Variants in CACNG2 observed in about 807,000 individuals in gnomAD.
CACNG2 encodes calcium voltage-gated channel auxiliary subunit gamma 2, also known as voltage-dependent calcium channel gamma-2 subunit.
A neutral mutation model predicts 25.9 loss-of-function variants in CACNG2; 3 were observed. The observed-to-expected ratio is 0.12, with a 90% CI of 0.05 to 0.30. CACNG2 has a LOEUF of 0.30. Among genes scored for constraint, CACNG2 ranks in the 10% least tolerant of loss-of-function variants. The pLI, the probability that CACNG2 is intolerant of heterozygous loss-of-function variation, is 1.00. For synonymous variants in CACNG2, 167 were observed against 173.3 expected, an observed-to-expected ratio of 0.96 and a Z score of 0.29; for missense variants, 341 against 432.5, an observed-to-expected ratio of 0.79 and a Z score of 1.88.
intron 1 of CACNG2, among the ~76,000 whole-genome samples, chr22:36,628,224 T>C (rs956191256): frequency 6.6e-6 from 1 of 152,206 alleles, no homozygotes; most frequent in Non-Finnish European, 1.5e-5. Flanking sequence ...GAATAGATAG[T>C]TGGGGACGAG....
At chr22:36,598,635 A>C (rs1349343155) in intron 1 of CACNG2, among the ~76,000 whole-genome samples, 1 of 151,252 alleles carries the variant, frequency 6.6e-6, no homozygotes, top group East Asian at 1.9e-4. Flanking sequence ...AAACAAAACA[A>C]CTCCCCAAAA....
At chr22:36,689,736 G>A (rs1326759303) in intron 1 of CACNG2, among the ~76,000 whole-genome samples, 2 of 152,222 alleles carry the variant, frequency 1.3e-5, no homozygotes, top group African/African-American at 2.4e-5. Flanking sequence ...CACCAACAGC[G>A]TGGCCTGTCG....
chr22:36,656,450 C>A (rs981748801), intron 1 of CACNG2, among the ~76,000 whole-genome samples: 5 of 152,162 alleles, frequency 3.3e-5, no homozygotes, highest in Non-Finnish European at 5.9e-5. Context: ...CAGCCCGAAT[C>A]CAACCACTTC....
At chr22:36,594,750 T>C (rs897605691) in intron 1 of CACNG2, among the ~76,000 whole-genome samples, 3 of 151,170 alleles carry the variant, frequency 2.0e-5, no homozygotes, top group Non-Finnish European at 4.4e-5. Context: ...TGGGTGTGTG[T>C]GCGTATGTGT....
chr22:36,622,974 A>G (rs2145951004), intron 1 of CACNG2, among the ~76,000 whole-genome samples: 1 of 149,984 alleles, frequency 6.7e-6, no homozygotes, highest in African/African-American at 2.4e-5. Context: ...AAAAAAGGTA[A>G]GACAAGTCCT....
At chr22:36,656,462 C>CA (rs1936706671) in intron 1 of CACNG2, among the ~76,000 whole-genome samples, 1 of 152,196 alleles carries the variant, frequency 6.6e-6, no homozygotes, top group Admixed American at 6.5e-5. Context: ...AACCACTTCT[C>CA]ATCACCGCCT....
intron 1 of CACNG2, among the ~76,000 whole-genome samples, chr22:36,631,006 T>C (rs910776611): frequency 6.6e-6 from 1 of 152,150 alleles, no homozygotes; most frequent in African/African-American, 2.4e-5. Context: ...AATTTTTGTA[T>C]TTTTAGTAGA....
At chr22:36,595,171 A>G (rs1935660397) in intron 1 of CACNG2, among the ~76,000 whole-genome samples, 1 of 151,592 alleles carries the variant, frequency 6.6e-6, no homozygotes, top group African/African-American at 2.4e-5. Context: ...GAAGTGGTGG[A>G]GGGTTGAGAA....
intron 1 of CACNG2, among the ~76,000 whole-genome samples, chr22:36,618,909 G>A (rs1936064838): frequency 1.4e-5 from 1 of 71,818 alleles, no homozygotes; most frequent in South Asian, 4.8e-4. Flanking sequence ...GACAGAGCGA[G>A]ACTGTTTCAA....
At chr22:36,623,085 A>T (rs1936133521) in intron 1 of CACNG2, among the ~76,000 whole-genome samples, 2 of 126,050 alleles carry the variant, frequency 1.6e-5, no homozygotes, top group Non-Finnish European at 1.6e-5. Flanking sequence ...CAGTGGCACG[A>T]TCTTGGCTCA....
intron 1 of CACNG2, among the ~76,000 whole-genome samples, chr22:36,594,573 C>T (rs185964513): frequency 3.0e-4 from 46 of 152,092 alleles, no homozygotes; most frequent in African/African-American, 1.0e-3. Flanking sequence ...TGTGTCCAGG[C>T]GAGGGAGTGT....
chr22:36,616,369 T>C (rs900387944), intron 1 of CACNG2, among the ~76,000 whole-genome samples: 1 of 152,212 alleles, frequency 6.6e-6, no homozygotes, highest in African/African-American at 2.4e-5. Flanking sequence ...GCAGCTGCAT[T>C]TTAGATAAGA....
chr22:36,666,809 GTGGCTCT>G (rs1936881099), intron 1 of CACNG2, among the ~76,000 whole-genome samples: 1 of 152,020 alleles, frequency 6.6e-6, no homozygotes, highest in Admixed American at 6.6e-5. Context: ...CAAGGTCTCT[GTGGCTCT>G]TCTAGTTTCT....
intron 1 of CACNG2, among the ~76,000 whole-genome samples, chr22:36,630,449 G>A (rs1297149569): frequency 1.3e-5 from 2 of 152,122 alleles, no homozygotes; most frequent in African/African-American, 4.8e-5. Context: ...TTATCTAGGA[G>A]GGGAAGAGCA....
intron 1 of CACNG2, among the ~76,000 whole-genome samples, chr22:36,609,196 C>T (rs1272250339): frequency 1.4e-5 from 2 of 144,016 alleles, no homozygotes; most frequent in Non-Finnish European, 1.5e-5. Context: ...AGAGCGTGAT[C>T]GGGCAGGAAT....
intron 1 of CACNG2, among the ~76,000 whole-genome samples, chr22:36,607,523 T>G (rs1009779612): frequency 3.3e-5 from 5 of 152,188 alleles, no homozygotes; most frequent in African/African-American, 1.2e-4. Flanking sequence ...GGATTACAGA[T>G]GTGAGCCACT....
At chr22:36,571,894 A>C (rs891697346) in intron 2 of CACNG2, among the ~76,000 whole-genome samples, 12 of 151,980 alleles carry the variant, frequency 7.9e-5, no homozygotes, top group African/African-American at 2.9e-4. Flanking sequence ...AAAAAAAAAA[A>C]AAAAAGAATT....
chr22:36,699,633 T>C (rs532503678), intron 1 of CACNG2, among the ~76,000 whole-genome samples: 1 of 137,220 alleles, frequency 7.3e-6, no homozygotes, highest in East Asian at 2.3e-4. Flanking sequence ...AAAACACAGA[T>C]CAAGTGGTTA....
In CACNG2 at chr22:36,606,334, TACA is replaced by T. The variant is rs1320450968; in HGVS notation, c.212-18789_212-18787del. Among the ~76,000 whole-genome samples the T allele has an allele frequency of 6.6e-6, 1 of 152,240 alleles. No individual in the cohort carries two copies. Among genetic ancestry groups the T allele is most frequent in the African/African-American group, 2.4e-5 (1 of 41,458 alleles). ...GAGCCAGGCATGGGGCCAAGCACTT[TACA>T]ACAAGCCTGTTGAGGTGGACGCTAT... On this transcript the variant is annotated intron_variant, in intron 1 of 3. Coordinates refer to ENST00000300105, the MANE Select transcript of CACNG2 (RefSeq NM_006078.5). The surrounding 1 kb of genome is among the most constrained non-coding windows in gnomAD (Gnocchi z 5.7).
Sources: gnomAD v4.1 joint callset for allele counts (sites outside exome capture counted in the v4.1 genomes callset) on GRCh38, gnomAD v4.1.1 for gene constraint, Gnocchi (gnomAD v3.1) non-coding constraint, MANE v1.5 for transcripts, NCBI Gene and HGNC (gene_info 2026-07-23, HGNC 2026-07-21) for gene names.